Variants in UNC5B observed in about 807,000 individuals in gnomAD.
UNC5B encodes unc-5 netrin receptor B, also known as netrin receptor UNC5B.
UNC5B carries 56 observed loss-of-function variants against 103.7 expected under a neutral mutation model. The observed-to-expected ratio is 0.54, with a 90% CI of 0.44 to 0.67. The LOEUF is 0.67. Ranked by LOEUF, UNC5B falls within the 30% of genes least tolerant of loss-of-function variation. The probability of loss-of-function intolerance (pLI) is 0.00; values close to 1 mark genes in which losing one functional copy is unlikely to be tolerated. For missense variants in UNC5B, 1,194 were observed against 1,284.5 expected (o/e 0.93, Z 1.08); for synonymous variants, 577 against 542.0 (o/e 1.06, Z -0.90).
intron 1 of UNC5B, among the ~76,000 whole-genome samples, chr10:71,269,021 C>T (rs971948148): frequency 3.9e-5 from 6 of 152,142 alleles, no homozygotes; most frequent in African/African-American, 1.2e-4. Flanking sequence ...TGTGACCGTG[C>T]GGGGGCTGGT....
intron 1 of UNC5B, among the ~76,000 whole-genome samples, chr10:71,237,984 C>T (rs1265507927): frequency 6.6e-6 from 1 of 152,144 alleles, no homozygotes; most frequent in Non-Finnish European, 1.5e-5. Context: ...CCTGTGTCTT[C>T]CCACAGAAGG....
chr10:71,236,120 C>A (rs560913944), intron 1 of UNC5B, among the ~76,000 whole-genome samples: 1 of 152,102 alleles, frequency 6.6e-6, no homozygotes, highest in East Asian at 1.9e-4. Flanking sequence ...CCTTTCCAAA[C>A]TTTGTCAAAC....
chr10:71,279,854 C>T lies in UNC5B; in HGVS notation c.113C>T (p.Ser38Phe). Reference sequence around the variant, plus strand: ...TCTGGCAGCGAGGTGCTCCCTGACTCCTTCCCGTCAGCGCCAGCAGAGCCG... The same window carrying T: ...TCTGGCAGCGAGGTGCTCCCTGACTTCTTCCCGTCAGCGCCAGCAGAGCCG... ...TDSGSEVLPD[S>F]FPSAPAEPLP... The change falls in exon 2 of 17, where the codon TCC becomes TTC. Residue 38 changes from serine (S) to phenylalanine (F), a missense_variant. By Grantham distance (155) the Ser-to-Phe change is radical. Coordinates refer to ENST00000335350, the MANE Select transcript of UNC5B (RefSeq NM_170744.5). 1 of 1,613,832 alleles carries T rather than the reference C, an allele frequency of 6.2e-7. No homozygotes were observed. Among genetic ancestry groups the T allele is most frequent in the Non-Finnish European group, 8.5e-7 (1 of 1,179,886 alleles).
chr10:71,258,535 A>T (rs1380953333), intron 1 of UNC5B, among the ~76,000 whole-genome samples: 1 of 152,104 alleles, frequency 6.6e-6, no homozygotes, highest in African/African-American at 2.4e-5. Flanking sequence ...CCAGCTCTCT[A>T]TGCTTCTTCT....
rs141483769 is a variant in UNC5B at position 71,251,758 on chromosome 10, C to G, written c.80-28063C>G. Among the ~76,000 whole-genome samples the G allele has an allele frequency of 2.1e-3, 324 of 152,330 alleles. 1 individual carries two copies. The highest frequency in any genetic ancestry group is 6.6e-3 in the South Asian group (32 of 4,830). Reference sequence around the variant, plus strand: ...GAATGAATGAACCAAGATAATTCCTCTCCTGTGAGAGTCTCAGTGCCACAG... The same window carrying G: ...GAATGAATGAACCAAGATAATTCCTGTCCTGTGAGAGTCTCAGTGCCACAG... On this transcript the variant is annotated intron_variant, in intron 1 of 16. Coordinates refer to ENST00000335350, the MANE Select transcript of UNC5B (RefSeq NM_170744.5).
intron 1 of UNC5B, among the ~76,000 whole-genome samples, chr10:71,272,351 G>C (rs1473844982): frequency 1.3e-5 from 2 of 152,192 alleles, no homozygotes; most frequent in Admixed American, 1.3e-4. Context: ...CATGGCTACA[G>C]ATGCCCACCC....
Position 71,279,907 on chromosome 10 carries a change from G to T in UNC5B, c.166G>T (p.Asp56Tyr), listed in dbSNP as rs1844875687. The change falls in exon 2 of 17, where the codon GAC becomes TAC. Residue 56 changes from aspartate (D) to tyrosine (Y), a missense_variant. Transcript: ENST00000335350. ...PLPYFLQEPQ[D>Y]AYIVKNKPVE... ...GCCCTACTTCCTGCAGGAGCCACAGGACGCCTACATTGTGAAGAACAAGCC... is the reference window on the plus strand; with the variant it reads ...GCCCTACTTCCTGCAGGAGCCACAGTACGCCTACATTGTGAAGAACAAGCC... The T allele has an allele frequency of 1.9e-6, 3 of 1,613,986 alleles. No individual in the cohort carries two copies. In the East Asian group the frequency reaches 6.7e-5, roughly 36 times the overall value.
intron 1 of UNC5B, among the ~76,000 whole-genome samples, chr10:71,222,318 T>C (rs943778999): frequency 6.6e-6 from 1 of 151,768 alleles, no homozygotes; most frequent in African/African-American, 2.4e-5. Flanking sequence ...AGAGGTCTCT[T>C]AGTGGAAAGA....
At chr10:71,283,119 C>CA (rs36031947) in intron 2 of UNC5B, among the ~76,000 whole-genome samples, 47 of 144,950 alleles carry the variant, frequency 3.2e-4, no homozygotes, top group South Asian at 6.5e-4. Flanking sequence ...GACTCCGTCT[C>CA]AAAAAAAAAA....
rs1843270230 is a variant in UNC5B at position 71,213,536 on chromosome 10, A to C, written c.79+472A>C. Among the ~76,000 whole-genome samples, 1 of 152,014 alleles carries C rather than the reference A, an allele frequency of 6.6e-6. No homozygotes were observed. The highest frequency in any genetic ancestry group is 2.4e-5 in the African/African-American group (1 of 41,384). On this transcript the variant is annotated intron_variant, in intron 1 of 16. Transcript: ENST00000335350. The surrounding 1 kb of genome is among the most constrained non-coding windows in gnomAD (Gnocchi z 4.1). ...GGACAGCAATCTGCAGACTAGAGGG[A>C]GAGAGCGAAAAGACCTGCTGAACAC...
In UNC5B at chr10:71,287,622, C is replaced by T; in HGVS notation, c.758C>T (p.Ala253Val). Residue 253 changes from alanine (A) to valine (V), a missense_variant, in exon 6 of 17, where the codon GCA becomes GTA. Physicochemically the swap from Ala to Val is moderately conservative, Grantham distance 64. Transcript: ENST00000335350. ...VYVNGGWSSWAEWSPCSNRCG... is the reference protein window; with the variant it reads ...VYVNGGWSSWVEWSPCSNRCG... Reference sequence around the variant, plus strand: ...GTGAATGGCGGCTGGTCCAGCTGGGCAGAGTGGTCACCCTGCTCCAACCGC... The same window carrying T: ...GTGAATGGCGGCTGGTCCAGCTGGGTAGAGTGGTCACCCTGCTCCAACCGC... 1 of 1,605,808 alleles carries T rather than the reference C, an allele frequency of 6.2e-7. No homozygotes were observed. The highest frequency in any genetic ancestry group is 2.3e-5 in the East Asian group (1 of 44,332).
intron 1 of UNC5B, among the ~76,000 whole-genome samples, chr10:71,242,237 T>C (rs1196712529): frequency 2.6e-5 from 4 of 152,166 alleles, no homozygotes; most frequent in Non-Finnish European, 4.4e-5. Flanking sequence ...TACTATGACA[T>C]GTGACCTCGC....
chr10:71,292,625 C>A, intron 11 of UNC5B, 71 bp downstream of exon 11: 1 of 1,338,828 alleles, frequency 7.5e-7, no homozygotes, highest in Non-Finnish European at 1.0e-6. Flanking sequence ...ACGTGGCTCC[C>A]CTTCTAAGCC....
chr10:71,298,215 T>C, intron 16 of UNC5B, 125 bp downstream of exon 16: 1 of 1,154,110 alleles, frequency 8.7e-7, no homozygotes, highest in Admixed American at 2.6e-5. Flanking sequence ...TTGCCACCAT[T>C]TGTGGCAAAT....
intron 1 of UNC5B, among the ~76,000 whole-genome samples, chr10:71,221,404 C>A (rs1164614907): frequency 6.6e-6 from 1 of 152,158 alleles, no homozygotes; most frequent in African/African-American, 2.4e-5. Flanking sequence ...GCCTGGCCCC[C>A]GTGTCATGCA....
At position 71,213,003 on chromosome 10, in the gene UNC5B, A is replaced by G; in HGVS notation, c.18A>G (p.Gly6=). 1 of 1,408,726 alleles carries G rather than the reference A, an allele frequency of 7.1e-7. No homozygotes were observed. The highest frequency in any genetic ancestry group is 9.3e-7 in the Non-Finnish European group (1 of 1,075,566). The allele number at this position is 1,408,726 out of a possible 1,614,324, so 87.3% of individuals were successfully genotyped here. The stretch of plus-strand genomic sequence containing the variant: ...GCGGGAGCATGGGGGCCCGGAGCGG[A>G]GCTCGGGGCGCGCTGCTGCTGGCAC... The part of the protein sequence containing the change: MGARS[G]ARGALLLALL... The change falls in exon 1 of 17, where the codon GGA becomes GGG. Residue 6 remains glycine (G), a synonymous_variant. Coordinates refer to ENST00000335350, the MANE Select transcript of UNC5B (RefSeq NM_170744.5). The surrounding 1 kb of genome is among the most constrained non-coding windows in gnomAD (Gnocchi z 4.1).
At chr10:71,262,762 C>T (rs931795935) in intron 1 of UNC5B, among the ~76,000 whole-genome samples, 4 of 152,198 alleles carry the variant, frequency 2.6e-5, no homozygotes, top group Non-Finnish European at 5.9e-5. Flanking sequence ...CCCTGAACCC[C>T]CTGGGCCTCA....
intron 1 of UNC5B, among the ~76,000 whole-genome samples, chr10:71,260,062 A>AG (rs1844381180): frequency 1.3e-5 from 2 of 152,082 alleles, no homozygotes; most frequent in African/African-American, 2.4e-5. Flanking sequence ...GGAGAGAGGT[A>AG]GGGGGGGCAT....
intron 10 of UNC5B, 37 bp downstream of exon 10, chr10:71,291,858 T>C (rs1468702464): frequency 6.4e-7 from 1 of 1,554,676 alleles, no homozygotes; most frequent in East Asian, 2.2e-5. Context: ...AGCCTGGCCT[T>C]AGCACCTCCT....
Sources: allele counts gnomAD v4.1 joint callset (sites outside exome capture counted in the v4.1 genomes callset), GRCh38; gene constraint gnomAD v4.1.1; non-coding constraint Gnocchi (gnomAD v3.1); transcripts MANE v1.5; gene names NCBI Gene and HGNC (gene_info 2026-07-23, HGNC 2026-07-21).